WDR25: variants seen among roughly 807,000 people sequenced by gnomAD.
WDR25 encodes WD repeat-containing protein 25.
Under a neutral mutation model 47.7 loss-of-function variants are expected in WDR25, and 35 were observed. The observed-to-expected ratio is 0.73, with a 90% CI of 0.56 to 0.97. The LOEUF (loss-of-function observed/expected upper bound fraction) is 0.97, where lower values mean the gene tolerates loss of function less well. Ranked by LOEUF, WDR25 falls within the 50% of genes least tolerant of loss-of-function variation. WDR25 has a pLI of 0.00. For missense variants in WDR25, 634 were observed against 704.7 expected (o/e 0.90, Z 1.14); for synonymous variants, 248 against 278.9 (o/e 0.89, Z 1.10).
Position 100,430,620 on chromosome 14 carries a change from G to T in WDR25, c.823-37401G>T, listed in dbSNP as rs1898303337. Among the ~76,000 whole-genome samples the T allele has an allele frequency of 6.6e-6, 1 of 152,172 alleles. No homozygotes were observed. The highest frequency in any genetic ancestry group is 6.5e-5 in the Admixed American group (1 of 15,280). ...GTACCTTATGCCAGGCAGGACTGTG[G>T]TCCCTGTTTGCAGATGAGGACACTG... On this transcript the variant is annotated intron_variant, in intron 2 of 6. Coordinates refer to ENST00000402312, the MANE Select transcript of WDR25 (RefSeq NM_001161476.3). This position sits in a 1 kb window ranked among gnomAD's most constrained non-coding sequence, Gnocchi z 4.7.
intron 3 of WDR25, among the ~76,000 whole-genome samples, chr14:100,475,009 G>T (rs1899969710): frequency 6.6e-6 from 1 of 152,182 alleles, no homozygotes; most frequent in Non-Finnish European, 1.5e-5. Flanking sequence ...CAAAAGAAGA[G>T]ATATGAATGG....
chr14:100,492,646 C>G (rs913185326), intron 4 of WDR25, among the ~76,000 whole-genome samples: 2 of 152,166 alleles, frequency 1.3e-5, no homozygotes, highest in African/African-American at 4.8e-5. Context: ...CTGTGCTGCA[C>G]TGAACATGCT....
rs755707532 is a variant in WDR25, at chr14:100,428,958, G to A, written c.823-39063G>A. 6.6e-6 allele frequency among the ~76,000 whole-genome samples: 1 copy of A among 152,052 alleles called. No homozygotes were observed. The highest frequency in any genetic ancestry group is 1.9e-4 in the East Asian group (1 of 5,186). Reference sequence around the variant, plus strand: ...AGTCATCTAATATGGTTTCCCGAGCGTGTCAGCTTCACTTCACATAAGTCA... The same window carrying A: ...AGTCATCTAATATGGTTTCCCGAGCATGTCAGCTTCACTTCACATAAGTCA... On this transcript the variant is annotated intron_variant, in intron 2 of 6. Transcript: ENST00000402312. This position sits in a 1 kb window ranked among gnomAD's most constrained non-coding sequence, Gnocchi z 4.3.
intron 2 of WDR25, among the ~76,000 whole-genome samples, chr14:100,409,593 A>G (rs1023684592): frequency 2.0e-5 from 3 of 152,182 alleles, no homozygotes; most frequent in Non-Finnish European, 4.4e-5. Flanking sequence ...GGTTGTATGA[A>G]TATTGAGAAG....
Position 100,419,051 on chromosome 14 carries a change from T to C in WDR25, c.822+37305T>C, listed in dbSNP as rs143803115. 3.2e-4 allele frequency among the ~76,000 whole-genome samples: 49 copies of C among 152,068 alleles called. 1 individual carries two copies. In the East Asian group the frequency reaches 7.8e-3, roughly 24 times the overall value. On this transcript the variant is annotated intron_variant, in intron 2 of 6. Coordinates refer to ENST00000402312, the MANE Select transcript of WDR25 (RefSeq NM_001161476.3). ...CTGGCGAACATGGGGAAACCCCATC[T>C]CTACTAAAAATACAAAAAAAATTAG...
rs371733197 is a variant in WDR25, at chr14:100,468,073, C to T, written c.875C>T (p.Thr292Ile). Residue 292 changes from threonine to isoleucine, a missense_variant, in exon 3 of 7, where the codon ACA (threonine) becomes ATA (isoleucine). Transcript: ENST00000402312. The surrounding 1 kb of genome is among the most constrained non-coding windows in gnomAD (Gnocchi z 4.5). ...GHCLQTYSLH[T>I]EAVRAARWAP... Reference sequence around the variant, plus strand: ...TGCCTGCAGACCTACTCCCTGCACACAGAGGCAGTGCGGGCCGCCCGGTGG... The same window carrying T: ...TGCCTGCAGACCTACTCCCTGCACATAGAGGCAGTGCGGGCCGCCCGGTGG... 42 of 1,613,522 alleles carry T rather than the reference C, an allele frequency of 2.6e-5. No individual in the cohort carries two copies. Among genetic ancestry groups the T allele is most frequent in the Non-Finnish European group, 3.5e-5 (41 of 1,180,052 alleles).
chr14:100,437,849 C>T lies in WDR25; in HGVS notation c.823-30172C>T, dbSNP rs960489292. Among the ~76,000 whole-genome samples, 18 of 152,192 alleles carry T rather than the reference C, an allele frequency of 1.2e-4. 1 individual carries two copies. In the South Asian group the frequency reaches 1.7e-3, roughly 14 times the overall value. The stretch of plus-strand genomic sequence containing the variant: ...CATTTATCTGCCCAGCTGCTGTGAG[C>T]CCTGAGCTGACCACCAAGGATGCTA... On this transcript the variant is annotated intron_variant, in intron 2 of 6. Transcript: ENST00000402312.
At chr14:100,380,037 A>G (rs1227732434) in intron 1 of WDR25, among the ~76,000 whole-genome samples, 2 of 109,568 alleles carry the variant, frequency 1.8e-5, no homozygotes, top group Non-Finnish European at 2.0e-5. Context: ...CACTGCACCC[A>G]GCGCTTTTTT....
At chr14:100,483,959 A>G in intron 3 of WDR25, 35 bp from the exon 4 acceptor site, 1 of 1,585,776 alleles carries the variant, frequency 6.3e-7, no homozygotes, top group Non-Finnish European at 8.6e-7. Flanking sequence ...TGACCTAAGT[A>G]CTTTCTAACC....
At chr14:100,483,602 T>A (rs995085551) in intron 3 of WDR25, among the ~76,000 whole-genome samples, 1 of 152,224 alleles carries the variant, frequency 6.6e-6, no homozygotes, top group African/African-American at 2.4e-5. Flanking sequence ...TCTACTGTAT[T>A]AACTGTAGAG....
At chr14:100,386,956 TG>T (rs1897034057) in intron 2 of WDR25, among the ~76,000 whole-genome samples, 1 of 152,012 alleles carries the variant, frequency 6.6e-6, no homozygotes, top group African/African-American at 2.4e-5. Context: ...CCCTTGTGTG[TG>T]GTGAGAGTGG....
intron 2 of WDR25, among the ~76,000 whole-genome samples, chr14:100,388,485 T>A (rs1897066617): frequency 6.6e-6 from 1 of 152,192 alleles, no homozygotes; most frequent in Non-Finnish European, 1.5e-5. Flanking sequence ...TTCAGAATCA[T>A]CTGAATTACC....
chr14:100,492,939 G>A (rs1383164929), intron 4 of WDR25, among the ~76,000 whole-genome samples: 1 of 152,110 alleles, frequency 6.6e-6, no homozygotes, highest in African/African-American at 2.4e-5. Context: ...AGCTTCTCTA[G>A]TAGCTGGGAC....
chr14:100,386,725 C>T (rs1244676460), intron 2 of WDR25, among the ~76,000 whole-genome samples: 1 of 151,930 alleles, frequency 6.6e-6, no homozygotes, highest in Non-Finnish European at 1.5e-5. Flanking sequence ...AACCCCGTCT[C>T]TACTAAAAAT....
At chr14:100,465,903 T>C (rs1899613234) in intron 2 of WDR25, among the ~76,000 whole-genome samples, 1 of 152,260 alleles carries the variant, frequency 6.6e-6, no homozygotes, top group Non-Finnish European at 1.5e-5. Context: ...GCCATCCTAA[T>C]GGGTACAAGG....
intron 2 of WDR25, among the ~76,000 whole-genome samples, chr14:100,415,835 T>C (rs1897853502): frequency 6.6e-6 from 1 of 152,234 alleles, no homozygotes. Flanking sequence ...CTAGTATGTA[T>C]GAAGCTGTGG....
intron 2 of WDR25, among the ~76,000 whole-genome samples, chr14:100,444,227 A>T (rs1898755191): frequency 6.6e-6 from 1 of 152,164 alleles, no homozygotes; most frequent in African/African-American, 2.4e-5. Context: ...AATGGAAGGA[A>T]ATTGGCGGTC....
intron 2 of WDR25, among the ~76,000 whole-genome samples, chr14:100,443,168 T>C (rs753564235): frequency 1.3e-5 from 2 of 152,248 alleles, no homozygotes; most frequent in African/African-American, 4.8e-5. Flanking sequence ...ATTGCTCTTC[T>C]GACTCCAAGC....
At chr14:100,484,264 A>G (rs2140320581) in intron 4 of WDR25, 140 bp downstream of exon 4, 1 of 974,520 alleles carries the variant, frequency 1.0e-6, no homozygotes, top group South Asian at 3.0e-5. Flanking sequence ...AGTGCTAAGC[A>G]TAATTTTTAG....
Sources: gnomAD v4.1 joint callset for allele counts (sites outside exome capture counted in the v4.1 genomes callset) on GRCh38, gnomAD v4.1.1 for gene constraint, Gnocchi (gnomAD v3.1) non-coding constraint, MANE v1.5 for transcripts, NCBI Gene and HGNC (gene_info 2026-07-23, HGNC 2026-07-21) for gene names.